The following SLC25A28 variants were observed in gnomAD, a reference collection of about 807,000 sequenced individuals.
SLC25A28 encodes the protein solute carrier family 25 member 28.
Under a neutral mutation model 31.9 loss-of-function variants are expected in SLC25A28, and 10 were observed. The ratio of observed to expected loss-of-function variants is 0.31; its 90% CI spans 0.19 to 0.53. The LOEUF (loss-of-function observed/expected upper bound fraction) is 0.53. Ranked by LOEUF, SLC25A28 falls within the 20% of genes least tolerant of loss-of-function variation. SLC25A28 has a pLI of 0.95. For synonymous variants in SLC25A28, 208 were observed against 203.6 expected, an observed-to-expected ratio of 1.02 and a Z score of -0.19; for missense variants, 256 against 490.3, an observed-to-expected ratio of 0.52 and a Z score of 4.51.
intron 1 of SLC25A28, among the ~76,000 whole-genome samples, 197 bp downstream of exon 1, chr10:99,619,848 G>A (rs1212460794): frequency 6.6e-6 from 1 of 152,226 alleles, no homozygotes; most frequent in Non-Finnish European, 1.5e-5. Context: ...GTTAGAAATA[G>A]GTCCTGGTTC....
the SLC25A28 span, among the ~76,000 whole-genome samples, chr10:99,653,054 T>C: frequency 8.5e-5 from 13 of 152,340 alleles, no homozygotes; most frequent in African/African-American, 3.1e-4. Context: ...TTTTAAGGAC[T>C]GCGGTAATTT....
At chr10:99,640,761 T>G in the SLC25A28 span, among the ~76,000 whole-genome samples, 2 of 148,524 alleles carry the variant, frequency 1.3e-5, no homozygotes, top group African/African-American at 4.9e-5. Context: ...TTCCCCATCC[T>G]GTGTCCAAGT....
upstream of SLC25A28, among the ~76,000 whole-genome samples, chr10:99,622,980 CAAAA>C (rs1409151668): frequency 6.6e-6 from 1 of 152,042 alleles, no homozygotes; most frequent in East Asian, 1.9e-4. Flanking sequence ...AAAATACACA[CAAAA>C]AATGTCAGCT....
intron 1 of SLC25A28, chr10:99,618,644 A>G: frequency 1.0e-6 from 1 of 985,426 alleles, no homozygotes; most frequent in Non-Finnish European, 1.2e-6. Context: ...AAGGACATTT[A>G]ACATTCTAAT....
At chr10:99,615,266 G>A (rs1431802304) in intron 1 of SLC25A28, among the ~76,000 whole-genome samples, 6 of 150,646 alleles carry the variant, frequency 4.0e-5, no homozygotes, top group East Asian at 2.0e-4. Context: ...CAGGAGAATC[G>A]CTTGAACCTG....
At chr10:99,636,697 T>C in the SLC25A28 span, among the ~76,000 whole-genome samples, 2 of 152,302 alleles carry the variant, frequency 1.3e-5, no homozygotes, top group African/African-American at 4.8e-5. Context: ...GTAGAAAAGA[T>C]GGATAAATAC....
intron 1 of SLC25A28, chr10:99,616,155 A>C (rs1168621858): frequency 3.0e-6 from 3 of 985,284 alleles, no homozygotes; most frequent in Non-Finnish European, 3.6e-6. Context: ...TCAATGTGAA[A>C]AACTTCTACC....
the SLC25A28 span, among the ~76,000 whole-genome samples, chr10:99,642,776 G>C: frequency 6.6e-6 from 1 of 152,172 alleles, no homozygotes; most frequent in Non-Finnish European, 1.5e-5. Flanking sequence ...TTAGCATGAA[G>C]GGCTGTTGAA....
intron 1 of SLC25A28, chr10:99,619,074 T>G: frequency 3.0e-6 from 3 of 985,442 alleles, no homozygotes; most frequent in Non-Finnish European, 3.6e-6. Flanking sequence ...TGTACAAGAA[T>G]AAGAACTGTA....
upstream of SLC25A28, chr10:99,621,918 A>G (rs376097257): frequency 5.3e-5 from 8 of 152,158 alleles, no homozygotes; most frequent in African/African-American, 1.9e-4. Flanking sequence ...CTCTTCTCCT[A>G]CTTCCACCTC....
rs1180744898 is a variant in SLC25A28, at chr10:99,613,101, C to G, written c.521-502G>C. On this transcript the variant is annotated intron_variant, in intron 2 of 3. Transcript: ENST00000370495. The surrounding 1 kb of genome is among the most constrained non-coding windows in gnomAD (Gnocchi z 4.9). ...ACTACTCTACCCCTCATCCTCTCCA[C>G]ACTCAACTTGGTTTCCAGCCGGTCC... 6.6e-6 allele frequency among the ~76,000 whole-genome samples: 1 copy of G among 152,228 alleles called. No homozygotes were observed. The highest frequency in any genetic ancestry group is 6.5e-5 in the Admixed American group (1 of 15,284).
At chr10:99,657,346 CT>C in the SLC25A28 span, among the ~76,000 whole-genome samples, 9 of 152,122 alleles carry the variant, frequency 5.9e-5, no homozygotes, top group African/African-American at 1.7e-4. Flanking sequence ...CTATTTTGTT[CT>C]AGGAACTGAA....
At chr10:99,622,152 T>C (rs970790980), upstream of SLC25A28, among the ~76,000 whole-genome samples, 6 of 152,138 alleles carry the variant, frequency 3.9e-5, no homozygotes, top group Non-Finnish European at 7.3e-5. Context: ...ACCCCGTCTC[T>C]ACAAAATAAT....
At chr10:99,638,538 C>A in the SLC25A28 span, among the ~76,000 whole-genome samples, 1 of 152,176 alleles carries the variant, frequency 6.6e-6, no homozygotes, top group East Asian at 1.9e-4. Flanking sequence ...ACAATCTATA[C>A]ATCTGACAAA....
chr10:99,631,849 G>C, the SLC25A28 span, among the ~76,000 whole-genome samples: 12 of 147,572 alleles, frequency 8.1e-5, no homozygotes, highest in Admixed American at 6.1e-4. Flanking sequence ...GGGAAAAAAT[G>C]CATCTGTACT....
chr10:99,618,611 TA>T, intron 1 of SLC25A28: 1 of 985,494 alleles, frequency 1.0e-6, no homozygotes, highest in Non-Finnish European at 1.2e-6. Context: ...TTTTACAGTT[TA>T]TTTCTATTTC....
the SLC25A28 span, among the ~76,000 whole-genome samples, chr10:99,648,643 C>G: frequency 6.7e-6 from 1 of 149,396 alleles, no homozygotes; most frequent in Non-Finnish European, 1.5e-5. Context: ...TTGTAGTTCT[C>G]CTTATAAAGA....
At chr10:99,614,851 TTA>T (rs1394835280) in intron 1 of SLC25A28, among the ~76,000 whole-genome samples, 1 of 152,132 alleles carries the variant, frequency 6.6e-6, no homozygotes, top group Non-Finnish European at 1.5e-5. Flanking sequence ...AAACTAATAG[TTA>T]ATATAAAATC....
chr10:99,616,800 A>T, intron 1 of SLC25A28: 1 of 954,722 alleles, frequency 1.0e-6, no homozygotes, highest in Non-Finnish European at 1.2e-6. Context: ...ACCTTGGACA[A>T]GTTATATAAC....
Sources: gnomAD v4.1 joint callset for allele counts (sites outside exome capture counted in the v4.1 genomes callset) on GRCh38, gnomAD v4.1.1 for gene constraint, Gnocchi (gnomAD v3.1) non-coding constraint, MANE v1.5 for transcripts, NCBI Gene and HGNC (gene_info 2026-07-23, HGNC 2026-07-21) for gene names.